RNF213: variants seen among roughly 807,000 people sequenced by gnomAD.
RNF213 encodes ring finger protein 213.
A neutral mutation model predicts 514.4 loss-of-function variants in RNF213; 341 were observed. The observed-to-expected ratio is 0.66, with a 90% CI of 0.61 to 0.73. The LOEUF (loss-of-function observed/expected upper bound fraction) is 0.73, where lower values mean the gene tolerates loss of function less well. RNF213 is among the 30% of genes least tolerant of loss of function. The pLI, the probability that RNF213 is intolerant of heterozygous loss-of-function variation, is 0.00. For synonymous variants in RNF213, 2,655 were observed against 2,658.2 expected (o/e 1.00, Z 0.04); for missense variants, 5,767 against 6,615.6 (o/e 0.87, Z 4.45).
Position 80,376,548 on chromosome 17 carries a change from G to C in RNF213, c.13428+5G>C. On this transcript the variant is annotated splice_donor_5th_base_variant and intron_variant, in intron 52 of 67. Transcript: ENST00000582970. ...TTCTCCCCAGCCACCATGGCGGTAA[G>C]AGTAGGCCACAATTCCATCGGCCTT... 1 of 1,613,976 alleles carries C rather than the reference G, an allele frequency of 6.2e-7. No individual in the cohort carries two copies. The highest frequency in any genetic ancestry group is 8.5e-7 in the Non-Finnish European group (1 of 1,180,034).
intron 3 of RNF213, among the ~76,000 whole-genome samples, chr17:80,285,465 C>A (rs532401951): frequency 1.3e-5 from 2 of 152,240 alleles, no homozygotes; most frequent in Non-Finnish European, 1.5e-5. Flanking sequence ...CCTGCCAGGT[C>A]TCCTCAGCAC....
chr17:80,333,976 T>C (rs2077910711), intron 21 of RNF213, 129 bp from the exon 22 acceptor site: 1 of 1,008,188 alleles, frequency 9.9e-7, no homozygotes. Context: ...GGTGTGCCTG[T>C]TGTCACAGCA....
In RNF213 at chr17:80,347,707, CGGCCAGAAGTACGTGGACCTCGGT is replaced by C; in HGVS notation, c.9373_9396del (p.Gly3125_Gly3132del). 6.2e-7 allele frequency: 1 copy of C among 1,613,936 alleles called. No individual in the cohort carries two copies. Among genetic ancestry groups the C allele is most frequent in the Non-Finnish European group, 8.5e-7 (1 of 1,179,856 alleles). On this transcript the variant is annotated inframe_deletion, in exon 29 of 68. Transcript: ENST00000582970. This position sits in a 1 kb window ranked among gnomAD's most constrained non-coding sequence, Gnocchi z 7.2. The stretch of plus-strand genomic sequence containing the variant: ...TCAACCAGTACTACGTCCACCTCGG[CGGCCAGAAGTACGTGGACCTCGGT>C]CTGGGGACCCACCGCGTCAAATGTC...
chr17:80,276,255 C>T (rs1203275525), intron 3 of RNF213, among the ~76,000 whole-genome samples: 1 of 151,970 alleles, frequency 6.6e-6, no homozygotes, highest in South Asian at 2.1e-4. Flanking sequence ...CATGCACCAC[C>T]ATGTCTGGCT....
intron 14 of RNF213, among the ~76,000 whole-genome samples, chr17:80,309,850 G>C (rs1207345751): frequency 6.6e-6 from 1 of 151,996 alleles, no homozygotes; most frequent in Non-Finnish European, 1.5e-5. Flanking sequence ...CCGCCTCCTG[G>C]GTTCACGCCA....
chr17:80,345,990 C>T lies in RNF213; in HGVS notation c.7655C>T (p.Thr2552Met), dbSNP rs148753389. The T allele has an allele frequency of 2.8e-5, 45 of 1,614,058 alleles. No individual in the cohort carries two copies. Among genetic ancestry groups the T allele is most frequent in the South Asian group, 4.4e-5 (4 of 91,082 alleles). Reference protein sequence around the residue: ...GLGYRVSMEETADRLGSIPLR... With the variant: ...GLGYRVSMEEMADRLGSIPLR... ...GGCTACAGGGTTAGTATGGAGGAGA[C>T]GGCCGACAGGCTGGGCTCCATTCCT... The change falls in exon 29 of 68, where the codon ACG becomes ATG. Residue 2552 changes from threonine (T) to methionine (M), a missense_variant. By Grantham distance (81) the Thr-to-Met change is moderately conservative (BLOSUM62 -1). Transcript: ENST00000582970. The surrounding 1 kb of genome is among the most constrained non-coding windows in gnomAD (Gnocchi z 6.0).
At chr17:80,391,676 C>T (rs933377504) in intron 67 of RNF213, among the ~76,000 whole-genome samples, 1 of 148,928 alleles carries the variant, frequency 6.7e-6, no homozygotes, top group South Asian at 2.2e-4. Context: ...TTTATGAAGT[C>T]AAATCTGACA....
chr17:80,329,544 C>T (rs763433391), intron 20 of RNF213, among the ~76,000 whole-genome samples: 9 of 152,086 alleles, frequency 5.9e-5, no homozygotes, highest in Non-Finnish European at 1.0e-4. Context: ...TATGTTCCAT[C>T]GAGGCTGGGC....
intron 36 of RNF213, chr17:80,355,341 A>AT (rs2078700337): frequency 5.5e-6 from 2 of 365,070 alleles, no homozygotes; most frequent in South Asian, 1.8e-5. Context: ...GGGGGCTTAC[A>AT]GGGGAAGAAG....
intron 10 of RNF213, among the ~76,000 whole-genome samples, chr17:80,297,990 T>A (rs1409077729): frequency 6.6e-6 from 1 of 152,166 alleles, no homozygotes; most frequent in Non-Finnish European, 1.5e-5. Context: ...ATATTTAGAT[T>A]TACTGTTGCC....
chr17:80,356,976 A>G (rs888255525), intron 36 of RNF213, among the ~76,000 whole-genome samples: 10 of 150,740 alleles, frequency 6.6e-5, no homozygotes, highest in African/African-American at 2.0e-4. Flanking sequence ...CTGGAGTGCA[A>G]TGGCGCGATT....
chr17:80,315,755 T>TAATG (rs2045904347), intron 15 of RNF213: 10 of 72,390 alleles, frequency 1.4e-4, no homozygotes, highest in East Asian at 3.7e-4. Flanking sequence ...GTGGTGGAGG[T>TAATG]GACAGTGGTG....
intron 51 of RNF213, among the ~76,000 whole-genome samples, 179 bp from the exon 52 acceptor site, chr17:80,376,122 T>TA (rs2079746941): frequency 6.6e-6 from 1 of 152,206 alleles, no homozygotes; most frequent in Non-Finnish European, 1.5e-5. Context: ...TGCTTACGTA[T>TA]GTGGATGCTG....
rs2144240348 is a variant in RNF213, at chr17:80,354,184, C to G, written c.10726+18C>G. The G allele has an allele frequency of 3.7e-6, 6 of 1,612,042 alleles. No homozygotes were observed. In the South Asian group the frequency reaches 5.5e-5, roughly 15 times the overall value. On this transcript the variant is annotated intron_variant, in intron 35 of 67. Coordinates refer to ENST00000582970, the MANE Select transcript of RNF213 (RefSeq NM_001256071.3). ...GTGCCACGGTATGAGCCTCCCCACC[C>G]CTCTTGCCCCTGCCCCCACGTGGGC...
rs1360783654 is a variant in RNF213, at chr17:80,313,173, C to T, written c.2811+6C>T. 6.2e-7 allele frequency: 1 copy of T among 1,614,014 alleles called. No homozygotes were observed. Among genetic ancestry groups the T allele is most frequent in the Non-Finnish European group, 8.5e-7 (1 of 1,180,028 alleles). The stretch of plus-strand genomic sequence containing the variant: ...CATACGTCAAGGAAATTGAGGTAGG[C>T]ATTTGGCCGAAGGCTTCTGGGTAGG... On this transcript the variant is annotated splice_donor_region_variant and intron_variant, in intron 15 of 67. Transcript: ENST00000582970.
chr17:80,332,605 A>G lies in RNF213; in HGVS notation c.4117A>G (p.Ser1373Gly), dbSNP rs2046446624. Residue 1373 changes from serine to glycine, a missense_variant, in exon 21 of 68, where the codon AGT becomes GGT. Coordinates refer to ENST00000582970, the MANE Select transcript of RNF213 (RefSeq NM_001256071.3). ...GAGCCTGGGACTGAACGGTGACTTCAGTGTTCTCAACACTTTACTAAATTT... is the reference window on the plus strand; with the variant it reads ...GAGCCTGGGACTGAACGGTGACTTCGGTGTTCTCAACACTTTACTAAATTT... ...KESLGLNGDFSVLNTLLNFTD... is the reference protein window; with the variant it reads ...KESLGLNGDFGVLNTLLNFTD... 2 of 1,512,708 alleles carry G rather than the reference A, an allele frequency of 1.3e-6. No individual in the cohort carries two copies. Among genetic ancestry groups the G allele is most frequent in the African/African-American group, 1.4e-5 (1 of 72,060 alleles). 93.7% of individuals were successfully genotyped at this position (1,512,708 alleles called of 1,614,324 possible). A position where few individuals can be genotyped will look rare whatever the true frequency, so the allele number is the denominator to read the frequency against.
intron 15 of RNF213, among the ~76,000 whole-genome samples, chr17:80,314,139 C>A (rs1193352704): frequency 1.0e-4 from 10 of 95,512 alleles, no homozygotes; most frequent in East Asian, 2.9e-4. Context: ...GGTGGAGGTA[C>A]TGGAGGTGAT....
chr17:80,343,989 G>A lies in RNF213; in HGVS notation c.6316G>A (p.Val2106Met). Residue 2106 changes from valine to methionine, a missense_variant, in exon 28 of 68, where the codon GTG becomes ATG. Val to Met is a conservative substitution (Grantham distance 21, BLOSUM62 1). This residue lies in a region of RNF213 where 1,377 missense variants were observed against 1,635.2 expected (regional missense o/e 0.84). Transcript: ENST00000582970. The surrounding 1 kb of genome is among the most constrained non-coding windows in gnomAD (Gnocchi z 4.3). ...TGAAATCCTGGAAAGGAGGACGTCAGTGCCGTCGAGGAGCTCTTCAGCGCT... is the reference window on the plus strand; with the variant it reads ...TGAAATCCTGGAAAGGAGGACGTCAATGCCGTCGAGGAGCTCTTCAGCGCT... The part of the protein sequence containing the change: ...IVEILERRTS[V>M]PSRSSSALRT... The A allele has an allele frequency of 1.2e-6, 2 of 1,614,218 alleles. No individual in the cohort carries two copies. Among genetic ancestry groups the A allele is most frequent in the Non-Finnish European group, 1.7e-6 (2 of 1,180,038 alleles).
chr17:80,336,614 G>A, intron 23 of RNF213: 1 of 557,986 alleles, frequency 1.8e-6, no homozygotes, highest in South Asian at 1.8e-5. Context: ...AACACACGTG[G>A]AAAAAAGACA....
Sources: allele counts gnomAD v4.1 joint callset (sites outside exome capture counted in the v4.1 genomes callset), GRCh38; gene constraint gnomAD v4.1.1; regional missense constraint gnomAD v4.1.1; non-coding constraint Gnocchi (gnomAD v3.1); transcripts MANE v1.5; gene names NCBI Gene and HGNC (gene_info 2026-07-23, HGNC 2026-07-21).